The following MUC5AC variants were observed in gnomAD, a reference collection of about 807,000 sequenced individuals.
MUC5AC encodes the protein mucin-5AC.
A neutral mutation model predicts 169.7 loss-of-function variants in MUC5AC; 158 were observed. The ratio of observed to expected loss-of-function variants is 0.93; its 90% confidence interval spans 0.82 to 1.06. The LOEUF (loss-of-function observed/expected upper bound fraction) is 1.06, where lower values mean the gene tolerates loss of function less well. MUC5AC is among the 50% of genes least tolerant of loss of function. The probability of loss-of-function intolerance (pLI) is 0.00; values close to 1 mark genes in which losing one functional copy is unlikely to be tolerated. For missense variants in MUC5AC, 4,359 were observed against 3,089.9 expected (o/e 1.41, Z -9.74); for synonymous variants, 1,975 against 1,237.0 (o/e 1.60, Z -12.52).
Position 1,178,586 on chromosome 11 carries a change from C to A in MUC5AC, c.3230C>A (p.Pro1077His). 1 of 1,414,070 alleles carries A rather than the reference C, an allele frequency of 7.1e-7. No individual in the cohort carries two copies. Among genetic ancestry groups the A allele is most frequent in the Non-Finnish European group, 9.3e-7 (1 of 1,070,220 alleles). 87.6% of individuals were successfully genotyped at this position (1,414,070 alleles called of 1,614,324 possible). A position where few individuals can be genotyped will look rare whatever the true frequency, so the allele number is the denominator to read the frequency against. ...LSPSCPDALA[P>H]KDPCTANPFR... The stretch of plus-strand genomic sequence containing the variant: ...CCCTCCTGCCCAGATGCCCTGGCGC[C>A]CAAGGACCCCTGCACGGCCAACCCC... The change falls in exon 25 of 49, where the codon CCC becomes CAC. Residue 1077 changes from proline to histidine, a missense_variant. By Grantham distance (77) the Pro-to-His change is moderately conservative. Transcript: ENST00000621226.
chr11:1,188,045 C>G lies in MUC5AC; in HGVS notation c.9900C>G (p.Asn3300Lys). The G allele has an allele frequency of 1.3e-6, 1 of 754,602 alleles. No homozygotes were observed. The highest frequency in any genetic ancestry group is 2.4e-6 in the Non-Finnish European group (1 of 412,232). The allele number at this position is 754,602 out of a possible 1,614,324, so 46.7% of individuals were successfully genotyped here. ...CSREEGLVCRNQDQQGPFKMC... is the reference protein window; with the variant it reads ...CSREEGLVCRKQDQQGPFKMC... ...GTGAAGAGGGCCTGGTGTGCCGGAA[C>G]CAGGACCAGCAGGGACCCTTCAAGA... Residue 3300 changes from asparagine (N) to lysine (K), a missense_variant, in exon 31 of 49, where the codon AAC (asparagine) becomes AAG (lysine). Asn to Lys is a moderately conservative substitution (Grantham distance 94). Transcript: ENST00000621226.
rs1406389180 is a variant in MUC5AC at position 1,198,024 on chromosome 11, C to A, written c.16135+20C>A. 5 of 659,922 alleles carry A rather than the reference C, an allele frequency of 7.6e-6. No homozygotes were observed. Among genetic ancestry groups the A allele is most frequent in the East Asian group, 2.7e-5 (1 of 37,404 alleles). 40.9% of individuals were successfully genotyped at this position (659,922 alleles called of 1,614,324 possible). ...ACTGCAGTGAGTGGCCTGGACCAGG[C>A]CCTGTCAGGGGCCGTGGGCTGGGGT... On this transcript the variant is annotated intron_variant, in intron 42 of 48. Coordinates refer to ENST00000621226, the MANE Select transcript of MUC5AC (RefSeq NM_001304359.2).
chr11:1,192,058 A>G lies in MUC5AC; in HGVS notation c.13913A>G (p.Asp4638Gly). The G allele has an allele frequency of 1.3e-6, 1 of 765,140 alleles. No individual in the cohort carries two copies. The highest frequency in any genetic ancestry group is 2.4e-6 in the Non-Finnish European group (1 of 417,902). 47.4% of individuals were successfully genotyped at this position (765,140 alleles called of 1,614,324 possible). ...CTGTGCGCCTGGACAAAGTGGTTCG[A>G]CGTGGACTTCCCATCCCCTGGACCC... ...HPLCAWTKWFDVDFPSPGPHG... is the reference protein window; with the variant it reads ...HPLCAWTKWFGVDFPSPGPHG... The change falls in exon 31 of 49, where the codon GAC becomes GGC. Residue 4638 changes from aspartate to glycine, a missense_variant. Transcript: ENST00000621226.
At chr11:1,159,598 C>T (rs145666725) in intron 1 of MUC5AC, among the ~76,000 whole-genome samples, 12,267 of 28,228 alleles carry the variant, frequency 0.43, 4,047 homozygotes, top group East Asian at 0.57. Context: ...CGGGGCTGTG[C>T]GGGGCTGTGC....
At chr11:1,182,115 C>T (rs891561256) in intron 30 of MUC5AC, 40 bp from the exon 31 acceptor site, 133 of 398,528 alleles carry the variant, frequency 3.3e-4, no homozygotes, top group African/African-American at 2.5e-3. Context: ...CCCCCAAGTG[C>T]GGGCCTCTCA....
chr11:1,170,505 C>A, intron 15 of MUC5AC, among the ~76,000 whole-genome samples: 2 of 116,984 alleles, frequency 1.7e-5, no homozygotes, highest in South Asian at 3.3e-4. Flanking sequence ...ACCCACTCAC[C>A]GACTCAACCA....
chr11:1,164,302 G>A lies in MUC5AC; in HGVS notation c.986G>A (p.Arg329Gln), dbSNP rs765113735. 30 of 1,612,208 alleles carry A rather than the reference G, an allele frequency of 1.9e-5. No homozygotes were observed. The highest frequency in any genetic ancestry group is 8.3e-5 in the Admixed American group (5 of 60,022). The change falls in exon 8 of 49, where the codon CGG (arginine) becomes CAG (glutamine). Residue 329 changes from arginine to glutamine, a missense_variant. By Grantham distance (43) the Arg-to-Gln change is conservative. Transcript: ENST00000621226. ...THAGGLPQDW[R>Q]GPDFCPQKCP... The stretch of plus-strand genomic sequence containing the variant: ...GCAGGGGGGTTGCCCCAGGACTGGC[G>A]GGGCCCTGACTTCTGCCGTGAGTGT...
chr11:1,164,008 A>T lies in MUC5AC; in HGVS notation c.789+17A>T. On this transcript the variant is annotated intron_variant, in intron 7 of 48. Transcript: ENST00000621226. The stretch of plus-strand genomic sequence containing the variant: ...ACTGGCTTTGTAAGCCTTGGAGGGA[A>T]CAGAGGGCCCAGCAGGTTGAGCAGG... The T allele has an allele frequency of 6.2e-7, 1 of 1,609,290 alleles. No individual in the cohort carries two copies. The highest frequency in any genetic ancestry group is 8.5e-7 in the Non-Finnish European group (1 of 1,177,988).
intron 11 of MUC5AC, among the ~76,000 whole-genome samples, chr11:1,166,076 A>C (rs1163706003): frequency 2.0e-5 from 3 of 152,158 alleles, no homozygotes; most frequent in African/African-American, 7.2e-5. Flanking sequence ...AATTGAGCAC[A>C]AAGTACTCCT....
rs1860974387 is a variant in MUC5AC, at chr11:1,187,221, A to T, written c.9076A>T (p.Thr3026Ser). The T allele has an allele frequency of 8.6e-6, 6 of 698,878 alleles. No homozygotes were observed. In the South Asian group the frequency reaches 8.9e-5, roughly 10 times the overall value. 43.3% of individuals were successfully genotyped at this position (698,878 alleles called of 1,614,324 possible). Residue 3026 changes from threonine (T) to serine (S), a missense_variant, in exon 31 of 49, where the codon ACC becomes TCC. Coordinates refer to ENST00000621226, the MANE Select transcript of MUC5AC (RefSeq NM_001304359.2). ...PTTSTTLAPT[T>S]STTSAPTTST... is the part of the protein sequence containing the mutation. ...AACCAGCACAACCTTAGCTCCTACA[A>T]CCAGCACAACCTCTGCCCCTACAAC...
In MUC5AC at chr11:1,199,910, C is replaced by T; in HGVS notation, c.16641C>T (p.Ser5547=). ...TGATCATCCAGCAGCAGGGCTGCAG[C>T]TCCTCGGAGCCCGTGCGCCTGGCTT... ...RSLIIQQQGC[S]SSEPVRLAYC... The change falls in exon 48 of 49, where the codon AGC becomes AGT. Residue 5547 remains serine (S), a synonymous_variant. Coordinates refer to ENST00000621226, the MANE Select transcript of MUC5AC (RefSeq NM_001304359.2). 3 of 764,666 alleles carry T rather than the reference C, an allele frequency of 3.9e-6. No homozygotes were observed. The highest frequency in any genetic ancestry group is 7.2e-6 in the Non-Finnish European group (3 of 417,694). 47.4% of individuals were successfully genotyped at this position (764,666 alleles called of 1,614,324 possible).
intron 28 of MUC5AC, among the ~76,000 whole-genome samples, chr11:1,180,850 C>T (rs1860801154): frequency 6.6e-6 from 1 of 152,124 alleles, no homozygotes; most frequent in Non-Finnish European, 1.5e-5. Context: ...GAAGGATGCC[C>T]ATTAAAATCA....
chr11:1,184,590 A>G lies in MUC5AC; in HGVS notation c.6445A>G (p.Ser2149Gly). 1 of 622,220 alleles carries G rather than the reference A, an allele frequency of 1.6e-6. No homozygotes were observed. Among genetic ancestry groups the G allele is most frequent in the Non-Finnish European group, 2.9e-6 (1 of 346,446 alleles). 38.5% of individuals were successfully genotyped at this position (622,220 alleles called of 1,614,324 possible). A position where few individuals can be genotyped will look rare whatever the true frequency, so the allele number is the denominator to read the frequency against. Residue 2149 changes from serine to glycine, a missense_variant, in exon 31 of 49, where the codon AGT (serine) becomes GGT (glycine). Coordinates refer to ENST00000621226, the MANE Select transcript of MUC5AC (RefSeq NM_001304359.2). ...GGAAACCTACAACAACATCATCAGG[A>G]GTGGGGAAAAAATCTGCCGCCGACC... The part of the protein sequence containing the change: ...DKETYNNIIR[S>G]GEKICRRPEE...
chr11:1,198,725 G>A (rs1307583192), intron 43 of MUC5AC, 149 bp from the exon 44 acceptor site: 13 of 612,490 alleles, frequency 2.1e-5, no homozygotes, highest in African/African-American at 3.7e-5. Flanking sequence ...GTGCCACCAC[G>A]AGTCACCCCA....
At chr11:1,177,755 G>A (rs1044604599) in intron 24 of MUC5AC, 122 bp downstream of exon 24, 2 of 396,216 alleles carry the variant, frequency 5.0e-6, no homozygotes, top group Non-Finnish European at 4.4e-6. Flanking sequence ...ATGGAAGCGG[G>A]GTGGGAAGTG....
In MUC5AC at chr11:1,191,750, C is replaced by T. The variant is rs750757844; in HGVS notation, c.13605C>T (p.Ala4535=). 5 of 750,290 alleles carry T rather than the reference C, an allele frequency of 6.7e-6. No individual in the cohort carries two copies. The highest frequency in any genetic ancestry group is 9.7e-6 in the Non-Finnish European group (4 of 410,812). The allele number at this position is 750,290 out of a possible 1,614,324, so 46.5% of individuals were successfully genotyped here. A position where few individuals can be genotyped will look rare whatever the true frequency, so the allele number is the denominator to read the frequency against. ...PTTSTTSAST[A]STTSGPGTSL... is the part of the protein sequence containing the mutation. The stretch of plus-strand genomic sequence containing the variant: ...CCAGCACAACCTCTGCCTCTACAGC[C>T]AGCACAACCTCTGGTCCTGGAACTT... The change falls in exon 31 of 49, where the codon GCC becomes GCT. Residue 4535 remains alanine (A), a synonymous_variant. Coordinates refer to ENST00000621226, the MANE Select transcript of MUC5AC (RefSeq NM_001304359.2).
At position 1,162,082 on chromosome 11, in the gene MUC5AC, G is replaced by C. The variant is rs374718034; in HGVS notation, c.387G>C (p.Ala129=). The change falls in exon 4 of 49, where the codon GCG becomes GCC. Residue 129 remains alanine (A), a synonymous_variant. Transcript: ENST00000621226. ...AGCTACGCCGCAGCCAGGAGTCAGC[G>C]GCCCCCACGCTGAGCAGGGTCCTCA... The part of the protein sequence containing the change: ...NIQLRRSQES[A]APTLSRVLMK... 1 of 1,612,588 alleles carries C rather than the reference G, an allele frequency of 6.2e-7. No homozygotes were observed. The highest frequency in any genetic ancestry group is 1.7e-5 in the Admixed American group (1 of 60,002).
In MUC5AC at chr11:1,188,852, C is replaced by A; in HGVS notation, c.10707C>A (p.Cys3569Ter). Residue 3569 changes from cysteine to a stop codon, truncating the protein, a stop_gained, in exon 31 of 49, where the codon TGC becomes TGA. Coordinates refer to ENST00000621226, the MANE Select transcript of MUC5AC (RefSeq NM_001304359.2). LOFTEE classifies it high-confidence loss of function. ...CTGAGGAGATCACCAGGCTCCAGTGCCGAGCCAAGAGCCACCCGGAGGTGA... is the reference window on the plus strand; with the variant it reads ...CTGAGGAGATCACCAGGCTCCAGTGACGAGCCAAGAGCCACCCGGAGGTGA... ...RRPEEITRLQ[C>*]RAKSHPEVSI... is the part of the protein sequence containing the mutation. The A allele has an allele frequency of 2.6e-6, 2 of 763,246 alleles. No individual in the cohort carries two copies. Among genetic ancestry groups the A allele is most frequent in the East Asian group, 2.4e-5 (1 of 41,240 alleles). 47.3% of individuals were successfully genotyped at this position (763,246 alleles called of 1,614,324 possible). A position where few individuals can be genotyped will look rare whatever the true frequency, so the allele number is the denominator to read the frequency against.
At position 1,179,633 on chromosome 11, in the gene MUC5AC, G is replaced by A. The variant is rs1432760509; in HGVS notation, c.3484+385G>A. Among the ~76,000 whole-genome samples, 4 of 127,252 alleles carry A rather than the reference G, an allele frequency of 3.1e-5. No individual in the cohort carries two copies. In the South Asian group the frequency reaches 6.7e-4, roughly 21 times the overall value. 83.5% of individuals were successfully genotyped at this position (127,252 alleles called of 152,430 possible). A position where few individuals can be genotyped will look rare whatever the true frequency, so the allele number is the denominator to read the frequency against. On this transcript the variant is annotated intron_variant, in intron 26 of 48. Coordinates refer to ENST00000621226, the MANE Select transcript of MUC5AC (RefSeq NM_001304359.2). ...GCTGCCCAGCTCTAGGGAGGAGGGC[G>A]TGGCTGACGGAGGGGTCCCTGGCAT...
Sources: allele counts gnomAD v4.1 joint callset (sites outside exome capture counted in the v4.1 genomes callset), GRCh38; gene constraint gnomAD v4.1.1; transcripts MANE v1.5; gene names NCBI Gene and HGNC (gene_info 2026-07-23, HGNC 2026-07-21).